DSCAML1: variants seen among roughly 807,000 people sequenced by gnomAD.
DSCAML1 encodes cell adhesion molecule DSCAML1.
A neutral mutation model predicts 200.5 loss-of-function variants in DSCAML1; 38 were observed. The ratio of observed to expected loss-of-function variants is 0.19; its 90% confidence interval spans 0.15 to 0.25. The LOEUF is 0.25. Among genes scored for constraint, DSCAML1 ranks in the 10% least tolerant of loss-of-function variants. The pLI, the probability that DSCAML1 is intolerant of heterozygous loss-of-function variation, is 1.00. For synonymous variants in DSCAML1, 1,215 were observed against 1,165.0 expected (o/e 1.04, Z -0.87); for missense variants, 2,223 against 2,858.8 (o/e 0.78, Z 5.07).
rs754158750 is a variant in DSCAML1, at chr11:117,428,352, G to A, written c.6138C>T (p.Tyr2046=). 6.3e-7 allele frequency: 1 copy of A among 1,578,446 alleles called. No individual in the cohort carries two copies. The highest frequency in any genetic ancestry group is 1.1e-5 in the South Asian group (1 of 88,912). The change falls in exon 33 of 33, where the codon TAC becomes TAT. Residue 2046 remains tyrosine, a synonymous_variant. Coordinates refer to ENST00000651296, the MANE Select transcript of DSCAML1 (RefSeq NM_020693.4). ...CCTACACCAGGGTGTAGGATTTGGA[G>A]TAGGCCCCGGCCCCCTGCTTCTGAG... ...GRSQKQGAGA[Y]SKSYTLV
chr11:117,590,253 A>G (rs1277918227), intron 3 of DSCAML1, among the ~76,000 whole-genome samples: 1 of 151,982 alleles, frequency 6.6e-6, no homozygotes. Flanking sequence ...CAGTGGTGTG[A>G]TCAAGACTCA....
intron 3 of DSCAML1, among the ~76,000 whole-genome samples, chr11:117,752,384 G>A (rs1324554731): frequency 6.6e-6 from 1 of 152,166 alleles, no homozygotes; most frequent in Non-Finnish European, 1.5e-5. Context: ...AGGGGCTGGG[G>A]AACACACAAT....
chr11:117,816,806 TG>T (rs796094856), intron 1 of DSCAML1, among the ~76,000 whole-genome samples: 157 of 145,142 alleles, frequency 1.1e-3, no homozygotes, highest in South Asian at 4.9e-3. Context: ...GCTGGGGGGG[TG>T]GGGTGGAGAT....
chr11:117,722,599 C>T (rs536022824), intron 3 of DSCAML1, among the ~76,000 whole-genome samples: 10 of 152,114 alleles, frequency 6.6e-5, no homozygotes, highest in Non-Finnish European at 1.2e-4. Flanking sequence ...CTGATTTGAT[C>T]ATTACACATT....
chr11:117,709,915 C>T (rs1470790676), intron 3 of DSCAML1, among the ~76,000 whole-genome samples: 2 of 152,248 alleles, frequency 1.3e-5, no homozygotes, highest in East Asian at 3.9e-4. Context: ...GCTCAGAGCC[C>T]CTGCCTCCAG....
chr11:117,532,085 A>G (rs1313580366), intron 4 of DSCAML1, among the ~76,000 whole-genome samples: 1 of 150,894 alleles, frequency 6.6e-6, no homozygotes, highest in Non-Finnish European at 1.5e-5. Flanking sequence ...AATAGTTACT[A>G]TGTTTGAGTA....
At chr11:117,783,966 C>T (rs535274100) in intron 1 of DSCAML1, among the ~76,000 whole-genome samples, 29 of 152,320 alleles carry the variant, frequency 1.9e-4, no homozygotes, top group African/African-American at 6.5e-4. Context: ...ACAATGACAG[C>T]AGCCTTCCTG....
At chr11:117,650,704 T>C (rs7949175) in intron 3 of DSCAML1, among the ~76,000 whole-genome samples, 24 of 142,662 alleles carry the variant, frequency 1.7e-4, no homozygotes, top group Middle Eastern at 3.6e-3. Context: ...TGTGTGTGCG[T>C]GTGTGTGTGT....
At chr11:117,666,529 T>C (rs1160800353) in intron 3 of DSCAML1, among the ~76,000 whole-genome samples, 5 of 152,160 alleles carry the variant, frequency 3.3e-5, no homozygotes, top group Non-Finnish European at 2.9e-5. Flanking sequence ...AGGACAAAGC[T>C]GCTGCCGGGC....
chr11:117,789,719 A>C (rs1487091277), intron 1 of DSCAML1, among the ~76,000 whole-genome samples: 1 of 152,140 alleles, frequency 6.6e-6, no homozygotes, highest in African/African-American at 2.4e-5. Flanking sequence ...CAGGGCTGTC[A>C]AGTGGAAGAG....
intron 3 of DSCAML1, among the ~76,000 whole-genome samples, chr11:117,619,414 C>T (rs893186074): frequency 5.9e-5 from 9 of 152,338 alleles, no homozygotes; most frequent in Admixed American, 5.9e-4. Flanking sequence ...GCCCACATCC[C>T]TGGAAAGGTG....
chr11:117,558,849 C>T (rs2050605926), intron 3 of DSCAML1, among the ~76,000 whole-genome samples: 1 of 152,196 alleles, frequency 6.6e-6, no homozygotes, highest in Admixed American at 6.5e-5. Context: ...AAAAATTTTA[C>T]AGTGCTTTCT....
At chr11:117,721,300 T>C (rs139871041) in intron 3 of DSCAML1, among the ~76,000 whole-genome samples, 168 of 152,364 alleles carry the variant, frequency 1.1e-3, no homozygotes, top group African/African-American at 3.8e-3. Context: ...TGTGCTACAA[T>C]GTCTGCCCAC....
intron 4 of DSCAML1, among the ~76,000 whole-genome samples, chr11:117,526,943 G>A (rs1422414298): frequency 2.6e-5 from 4 of 152,098 alleles, no homozygotes; most frequent in Non-Finnish European, 4.4e-5. Context: ...TTGGAGACCA[G>A]CCCGGGCAAC....
intron 3 of DSCAML1, among the ~76,000 whole-genome samples, chr11:117,645,047 A>G (rs1380509216): frequency 6.6e-6 from 1 of 152,256 alleles, no homozygotes; most frequent in Admixed American, 6.5e-5. Context: ...CAGGCTCAGT[A>G]AAGCCTCGGC....
At chr11:117,686,782 C>A (rs2053407394) in intron 3 of DSCAML1, among the ~76,000 whole-genome samples, 1 of 152,172 alleles carries the variant, frequency 6.6e-6, no homozygotes, top group Admixed American at 6.5e-5. Context: ...ACCACAGAGG[C>A]AAGGACCACC....
At chr11:117,555,464 C>A (rs1213671381) in intron 3 of DSCAML1, among the ~76,000 whole-genome samples, 5 of 152,128 alleles carry the variant, frequency 3.3e-5, no homozygotes, top group Non-Finnish European at 7.4e-5. Flanking sequence ...GATGAAGTGA[C>A]CGCTGTCTCT....
intron 19 of DSCAML1, among the ~76,000 whole-genome samples, chr11:117,451,809 C>G (rs1009233726): frequency 3.1e-5 from 2 of 63,978 alleles, no homozygotes; most frequent in African/African-American, 1.4e-4. Context: ...AGCAAGACTC[C>G]GTCTCAAAAA....
chr11:117,648,460 G>A (rs2052566082), intron 3 of DSCAML1, among the ~76,000 whole-genome samples: 1 of 152,238 alleles, frequency 6.6e-6, no homozygotes, highest in African/African-American at 2.4e-5. Context: ...TTCCTTGTGT[G>A]TCAGAAGAAA....
Sources: allele counts gnomAD v4.1 joint callset (sites outside exome capture counted in the v4.1 genomes callset), GRCh38; gene constraint gnomAD v4.1.1; transcripts MANE v1.5; gene names NCBI Gene and HGNC (gene_info 2026-07-23, HGNC 2026-07-21).